SHISA6: variants seen among roughly 807,000 people sequenced by gnomAD.
SHISA6 encodes the protein protein shisa-6.
A neutral mutation model predicts 47.9 loss-of-function variants in SHISA6; 22 were observed. The ratio of observed to expected loss-of-function variants is 0.46; its 90% CI spans 0.33 to 0.66. The LOEUF is 0.66. SHISA6 is among the 30% of genes least tolerant of loss of function. SHISA6 has a pLI of 0.02. For missense variants in SHISA6, 680 were observed against 764.6 expected (o/e 0.89, Z 1.30); for synonymous variants, 388 against 337.8 (o/e 1.15, Z -1.63).
At chr17:11,247,788 T>G (rs189936124) in intron 1 of SHISA6, among the ~76,000 whole-genome samples, 2,542 of 151,448 alleles carry the variant, frequency 0.017, 36 homozygotes, top group Non-Finnish European at 0.021. Flanking sequence ...TTTTTTTTTT[T>G]TTTTGAGATG....
At chr17:11,339,492 A>T (rs538430818) in intron 2 of SHISA6, among the ~76,000 whole-genome samples, 44 of 152,308 alleles carry the variant, frequency 2.9e-4, no homozygotes, top group South Asian at 6.2e-4. Context: ...ATTTGCATAT[A>T]GAATAACAAG....
intron 1 of SHISA6, among the ~76,000 whole-genome samples, chr17:11,255,428 G>A (rs1284095506): frequency 6.6e-6 from 1 of 152,294 alleles, no homozygotes; most frequent in East Asian, 1.9e-4. Context: ...TGTTGCCCTG[G>A]CCAGTTTGAT....
chr17:11,555,274 A>C (rs1324830630), intron 4 of SHISA6, among the ~76,000 whole-genome samples: 2 of 152,122 alleles, frequency 1.3e-5, no homozygotes, highest in Non-Finnish European at 2.9e-5. Flanking sequence ...TCCTGGACTC[A>C]GTTCTTCTAT....
intron 1 of SHISA6, among the ~76,000 whole-genome samples, chr17:11,248,222 T>G (rs1907664393): frequency 6.6e-6 from 1 of 151,980 alleles, no homozygotes; most frequent in Admixed American, 6.6e-5. Context: ...GCTAACTCTA[T>G]TTTTTTTAAT....
chr17:11,335,456 G>A (rs1025215393), intron 2 of SHISA6, among the ~76,000 whole-genome samples: 4 of 152,172 alleles, frequency 2.6e-5, no homozygotes, highest in African/African-American at 7.2e-5. Context: ...GGCCTCCAAA[G>A]GCAGGAAGAG....
At chr17:11,404,423 A>T (rs1394168896) in intron 3 of SHISA6, among the ~76,000 whole-genome samples, 1 of 152,140 alleles carries the variant, frequency 6.6e-6, no homozygotes, top group African/African-American at 2.4e-5. Context: ...TTGTCTAGAC[A>T]CCAAATTGTT....
chr17:11,475,537 C>A (rs994697144), intron 3 of SHISA6, among the ~76,000 whole-genome samples: 2 of 151,916 alleles, frequency 1.3e-5, no homozygotes, highest in Non-Finnish European at 1.5e-5. Context: ...ATTGATATGA[C>A]CATGTGATTT....
At chr17:11,281,588 A>G (rs1385040588) in intron 2 of SHISA6, among the ~76,000 whole-genome samples, 3 of 152,206 alleles carry the variant, frequency 2.0e-5, no homozygotes, top group Non-Finnish European at 1.5e-5. Context: ...GTCTATGTTC[A>G]TAAAGCATAT....
At chr17:11,301,966 G>A (rs142968698) in intron 2 of SHISA6, among the ~76,000 whole-genome samples, 1 of 152,300 alleles carries the variant, frequency 6.6e-6, no homozygotes, top group African/African-American at 2.4e-5. Flanking sequence ...GAGGCAAAAG[G>A]CACTTCTTAC....
chr17:11,414,791 CAAAAG>C (rs1914230546), intron 3 of SHISA6, among the ~76,000 whole-genome samples: 2 of 151,978 alleles, frequency 1.3e-5, no homozygotes, highest in African/African-American at 2.4e-5. Flanking sequence ...TTATTATTCT[CAAAAG>C]AAAAAAACAG....
At chr17:11,398,700 C>T (rs965977700) in intron 3 of SHISA6, among the ~76,000 whole-genome samples, 2 of 152,038 alleles carry the variant, frequency 1.3e-5, no homozygotes, top group Non-Finnish European at 2.9e-5. Flanking sequence ...TCAAGCAAAT[C>T]TCCTGCCTCA....
intron 2 of SHISA6, among the ~76,000 whole-genome samples, chr17:11,333,483 C>G (rs144228448): frequency 1.7e-3 from 252 of 152,086 alleles, no homozygotes; most frequent in African/African-American, 5.7e-3. Context: ...GTTGAAAACT[C>G]TATGTTCTTC....
intron 4 of SHISA6, among the ~76,000 whole-genome samples, chr17:11,553,651 T>C (rs1400531504): frequency 6.6e-6 from 1 of 152,078 alleles, no homozygotes; most frequent in Non-Finnish European, 1.5e-5. Context: ...TCTACTTAAT[T>C]AGTGTTCCAC....
chr17:11,490,005 T>C lies in SHISA6; in HGVS notation c.896-61891T>C, dbSNP rs116412102. Among the ~76,000 whole-genome samples, 473 of 152,330 alleles carry C rather than the reference T, an allele frequency of 3.1e-3. 2 individuals carry two copies. The highest frequency in any genetic ancestry group is 0.011 in the African/African-American group (451 of 41,564). Reference sequence around the variant, plus strand: ...TCCATAGCTCCTAATGGCCTTTTTTTCTGTCCTCAGCTACAGGCAAATGAA... The same window carrying C: ...TCCATAGCTCCTAATGGCCTTTTTTCCTGTCCTCAGCTACAGGCAAATGAA... On this transcript the variant is annotated intron_variant, in intron 3 of 5. Transcript: ENST00000441885.
In SHISA6 at chr17:11,253,009, C is replaced by A. The variant is rs539160357; in HGVS notation, c.639-10357C>A. Among the ~76,000 whole-genome samples, 3 of 152,354 alleles carry A rather than the reference C, an allele frequency of 2.0e-5. 1 individual carries two copies. The East Asian group carries it at 5.8e-4, about 29-fold the overall frequency. On this transcript the variant is annotated intron_variant, in intron 1 of 5. Transcript: ENST00000441885. ...GATAATCAACAGCCAGCTTCTTACC[C>A]AGCCTCAAGCATTCGCGAAGAAGAA... is the stretch of plus-strand genomic sequence containing the variant.
At chr17:11,264,943 A>T (rs1170788624) in intron 2 of SHISA6, among the ~76,000 whole-genome samples, 5 of 152,338 alleles carry the variant, frequency 3.3e-5, no homozygotes, top group Middle Eastern at 3.4e-3. Flanking sequence ...GAATTAATAG[A>T]TTCATCCAAA....
chr17:11,251,760 G>A (rs984106104), intron 1 of SHISA6, among the ~76,000 whole-genome samples: 3 of 152,100 alleles, frequency 2.0e-5, no homozygotes, highest in Non-Finnish European at 2.9e-5. Context: ...AATGACTCAC[G>A]CTTTCCCTGT....
At chr17:11,296,554 C>G (rs1036355025) in intron 2 of SHISA6, among the ~76,000 whole-genome samples, 20 of 152,050 alleles carry the variant, frequency 1.3e-4, no homozygotes, top group African/African-American at 4.8e-4. Context: ...GTGCTGGATG[C>G]TGGAAATGAA....
At chr17:11,275,557 C>T (rs1908857597) in intron 2 of SHISA6, among the ~76,000 whole-genome samples, 1 of 152,064 alleles carries the variant, frequency 6.6e-6, no homozygotes, top group Admixed American at 6.6e-5. Context: ...AGAAAATAAA[C>T]CCACGGACAT....
Sources: gnomAD v4.1 joint callset for allele counts (sites outside exome capture counted in the v4.1 genomes callset) on GRCh38, gnomAD v4.1.1 for gene constraint, MANE v1.5 for transcripts, NCBI Gene and HGNC (gene_info 2026-07-23, HGNC 2026-07-21) for gene names.